Variants in DACH2 observed in about 807,000 individuals in gnomAD.
The protein encoded by DACH2 is dachshund family transcription factor 2.
A neutral mutation model predicts 35.8 loss-of-function variants in DACH2; 17 were observed. That is an observed-to-expected ratio of 0.48 (90% CI 0.33 to 0.71). The LOEUF is 0.71. Ranked by LOEUF, DACH2 falls within the 30% of genes least tolerant of loss-of-function variation. The pLI is 0.02. For missense variants in DACH2, 469 were observed against 472.7 expected, an observed-to-expected ratio of 0.99 and a Z score of 0.07; for synonymous variants, 195 against 177.3, an observed-to-expected ratio of 1.10 and a Z score of -0.79.
chrX:86,170,350 T>G (rs150406673), intron 1 of DACH2, among the ~76,000 whole-genome samples: 1,543 of 111,516 alleles, frequency 0.014, 22 homozygotes, highest in Non-Finnish European at 0.023. Flanking sequence ...CCCTGGCTAC[T>G]GTCTCTGTTC....
At chrX:86,647,735 T>C (rs1003012062) in intron 3 of DACH2, among the ~76,000 whole-genome samples, 2 of 110,776 alleles carry the variant, frequency 1.8e-5, no homozygotes, top group Admixed American at 1.9e-4. Context: ...CAGAAACTTA[T>C]GGAGGTTTAT....
At chrX:86,818,554 G>A (rs186882680) in intron 11 of DACH2, among the ~76,000 whole-genome samples, 34 of 111,239 alleles carry the variant, frequency 3.1e-4, no homozygotes, top group African/African-American at 1.1e-3. Flanking sequence ...TAATAATTTT[G>A]ATTTTGTAAG....
chrX:86,676,164 TCA>T (rs1282737209), intron 4 of DACH2, among the ~76,000 whole-genome samples: 2 of 112,080 alleles, frequency 1.8e-5, no homozygotes, highest in Non-Finnish European at 3.8e-5. Flanking sequence ...CTTGCCATTG[TCA>T]CACTACATAC....
rs1026395203 is a variant in DACH2 at position 86,474,680 on chromosome X, T to A, written c.528-39599T>A. Among the ~76,000 whole-genome samples the A allele has an allele frequency of 2.7e-5, 3 of 111,929 alleles. No individual in the cohort carries two copies. In the Admixed American group the frequency reaches 2.8e-4, roughly 11 times the overall value. On this transcript the variant is annotated intron_variant, in intron 2 of 11. Transcript: ENST00000373125. The stretch of plus-strand genomic sequence containing the variant: ...GAGTTCACTGTGTGTGTGGAGTTGT[T>A]TCTGGGTTATTCATTCTGTTCTATT...
intron 1 of DACH2, among the ~76,000 whole-genome samples, chrX:86,319,430 T>A (rs1202108577): frequency 8.9e-6 from 1 of 111,891 alleles, no homozygotes; most frequent in Admixed American, 9.6e-5. Context: ...CTCTTAGCAA[T>A]TTTTCACTTC....
rs754381516 is a variant in DACH2, at chrX:86,699,816, A to G, written c.931+4637A>G. Among the ~76,000 whole-genome samples, 6 of 111,727 alleles carry G rather than the reference A, an allele frequency of 5.4e-5. No homozygotes were observed. In the East Asian group the frequency reaches 1.7e-3, roughly 31 times the overall value. On this transcript the variant is annotated intron_variant, in intron 5 of 11. Coordinates refer to ENST00000373125, the MANE Select transcript of DACH2 (RefSeq NM_053281.3). ...TTAGGTTGTTAATTTGAGATCTTCC[A>G]AACTATTTTATGTAGGCATATAATG...
At chrX:86,714,141 T>G (rs1396246964) in intron 5 of DACH2, among the ~76,000 whole-genome samples, 1 of 111,874 alleles carries the variant, frequency 8.9e-6, no homozygotes, top group African/African-American at 3.2e-5. Flanking sequence ...ATTAAGTGTC[T>G]TAAAGAAATT....
intron 1 of DACH2, among the ~76,000 whole-genome samples, chrX:86,361,193 G>A (rs1305544432): frequency 2.7e-5 from 3 of 111,298 alleles, no homozygotes; most frequent in Non-Finnish European, 5.7e-5. Flanking sequence ...TATTTTGTGT[G>A]TAGACCTACT....
rs376729791 is a variant in DACH2 at position 86,772,290 on chromosome X, A to G, written c.1240+32408A>G. On this transcript the variant is annotated intron_variant, in intron 7 of 11. Coordinates refer to ENST00000373125, the MANE Select transcript of DACH2 (RefSeq NM_053281.3). Reference sequence around the variant, plus strand: ...ACTTGGAGACTGAATTAGTAGAACAAATAACTATTTGTCTTAGAACATTTA... The same window carrying G: ...ACTTGGAGACTGAATTAGTAGAACAGATAACTATTTGTCTTAGAACATTTA... Among the ~76,000 whole-genome samples the G allele has an allele frequency of 1.3e-4, 15 of 111,852 alleles. No individual in the cohort carries two copies. In the East Asian group the frequency reaches 3.4e-3, roughly 25 times the overall value.
chrX:86,345,584 T>C, intron 1 of DACH2: 1 of 180,072 alleles, frequency 5.6e-6, no homozygotes, highest in Non-Finnish European at 1.0e-5. Context: ...AAAATGTCCT[T>C]TCCTAGAGGC....
chrX:86,764,072 C>A (rs2041909268), intron 7 of DACH2, among the ~76,000 whole-genome samples: 1 of 111,375 alleles, frequency 9.0e-6, no homozygotes, highest in Admixed American at 9.6e-5. Context: ...TAAAATATTA[C>A]AGCTTAAAAA....
intron 6 of DACH2, among the ~76,000 whole-genome samples, chrX:86,720,953 CA>C (rs1031967057): frequency 8.9e-6 from 1 of 112,509 alleles, no homozygotes; most frequent in Non-Finnish European, 1.9e-5. Context: ...ACATGGAAGC[CA>C]CCAGGGCTTG....
chrX:86,767,866 C>T (rs2147291527), intron 7 of DACH2, among the ~76,000 whole-genome samples: 1 of 112,044 alleles, frequency 8.9e-6, no homozygotes, highest in Admixed American at 9.5e-5. Flanking sequence ...TACCACACTG[C>T]CTGACCATCT....
intron 3 of DACH2, among the ~76,000 whole-genome samples, chrX:86,588,474 A>G (rs1245007992): frequency 8.9e-6 from 1 of 112,003 alleles, no homozygotes; most frequent in Non-Finnish European, 1.9e-5. Flanking sequence ...TTTTAACGAT[A>G]TTAATTCTTC....
intron 2 of DACH2, among the ~76,000 whole-genome samples, chrX:86,475,306 T>C (rs1440380642): frequency 9.0e-6 from 1 of 111,593 alleles, no homozygotes; most frequent in Non-Finnish European, 1.9e-5. Context: ...TGAACAATAT[T>C]GATTATTTCA....
rs2041088027 is a variant in DACH2, at chrX:86,698,061, AT to A, written c.931+2883del. On this transcript the variant is annotated intron_variant, in intron 5 of 11. Transcript: ENST00000373125. ...GCAGAAAACCAATCACAAAAAGAAA[AT>A]CTGGAAAGAAGACAGAGAAAAAAAT... Among the ~76,000 whole-genome samples, 3 of 111,472 alleles carry A rather than the reference AT, an allele frequency of 2.7e-5. No homozygotes were observed. The South Asian group carries it at 1.1e-3, about 41-fold the overall frequency.
rs1035672118 is a variant in DACH2, at chrX:86,458,949, C to A, written c.528-55330C>A. 3.7e-4 allele frequency among the ~76,000 whole-genome samples: 41 copies of A among 110,485 alleles called. 1 individual carries two copies. The highest frequency in any genetic ancestry group is 1.9e-4 in the Non-Finnish European group (10 of 52,850). On this transcript the variant is annotated intron_variant, in intron 2 of 11. Coordinates refer to ENST00000373125, the MANE Select transcript of DACH2 (RefSeq NM_053281.3). The stretch of plus-strand genomic sequence containing the variant: ...CGAGTTGATAGGTGCAGCAAACCAC[C>A]AGGGCACGTGTATACCCATGTAACA...
At chrX:86,248,672 T>A (rs1312848690) in intron 1 of DACH2, among the ~76,000 whole-genome samples, 8 of 111,043 alleles carry the variant, frequency 7.2e-5, no homozygotes, top group East Asian at 5.7e-4. Flanking sequence ...AATACCATTT[T>A]TCATGGAATT....
chrX:86,540,884 T>C (rs941617439), intron 3 of DACH2, among the ~76,000 whole-genome samples: 1 of 111,847 alleles, frequency 8.9e-6, no homozygotes, highest in African/African-American at 3.2e-5. Context: ...TGTTTATGAA[T>C]GCTAATGGTA....
Sources: gnomAD v4.1 joint callset for allele counts (sites outside exome capture counted in the v4.1 genomes callset) on GRCh38, gnomAD v4.1.1 for gene constraint, MANE v1.5 for transcripts, NCBI Gene and HGNC (gene_info 2026-07-23, HGNC 2026-07-21) for gene names.